YBEY: variants seen among roughly 807,000 people sequenced by gnomAD.
YBEY encodes the protein ybeY metalloendoribonuclease.
In YBEY, 15 loss-of-function variants were observed where a neutral mutation model predicts 13.5. The observed-to-expected ratio is 1.11, with a 90% confidence interval of 0.75 to 1.72. The LOEUF is 1.72. Among genes scored for constraint, YBEY ranks in the 40% most tolerant of loss-of-function variants. The pLI, the probability that YBEY is intolerant of heterozygous loss-of-function variation, is 0.00. For missense variants in YBEY, 244 were observed against 208.4 expected (o/e 1.17, Z -1.05); for synonymous variants, 101 against 83.1 (o/e 1.21, Z -1.17).
At chr21:46,301,855 G>A (rs2082118490), downstream of YBEY, 1 of 1,272,624 alleles carries the variant, frequency 7.9e-7, no homozygotes, top group African/African-American at 1.5e-5. Context: ...TTCCCCAGGA[G>A]GAGCCTGCAG....
At chr21:46,301,747 T>C (rs3747006), downstream of YBEY, 1,025,054 of 1,216,378 alleles carry the variant, frequency 0.84, 436,160 homozygotes, top group African/African-American at 0.92. Context: ...GGAGGGGCTG[T>C]TGCCCTGGTG....
chr21:46,300,627 G>T, downstream of YBEY: 3 of 1,218,832 alleles, frequency 2.5e-6, no homozygotes, highest in Non-Finnish European at 2.1e-6. Context: ...GCCCTTCGGT[G>T]TTCACACCTG....
At chr21:46,311,727 C>A in the YBEY span, 13 of 459,864 alleles carry the variant, frequency 2.8e-5, no homozygotes, top group Non-Finnish European at 4.4e-5. Context: ...ATCCACCCAT[C>A]CATCCAACCA....
chr21:46,286,823 G>A lies in YBEY; in HGVS notation c.-44-47G>A, dbSNP rs17182497. On this transcript the variant is annotated intron_variant, in intron 1 of 4. Coordinates refer to ENST00000397701, the MANE Select transcript of YBEY (RefSeq NM_001314025.2). ...GCGTGCATCTGTATTTTTACAGACC[G>A]TATTATCACTTGTACTGATTGGTCT... The A allele has an allele frequency of 5.1e-5, 58 of 1,146,264 alleles. No individual in the cohort carries two copies. In the African/African-American group the frequency reaches 8.4e-4, roughly 17 times the overall value. The allele number at this position is 1,146,264 out of a possible 1,614,324, so 71.0% of individuals were successfully genotyped here. A position where few individuals can be genotyped will look rare whatever the true frequency, so the allele number is the denominator to read the frequency against.
the YBEY span, among the ~76,000 whole-genome samples, chr21:46,308,714 G>A: frequency 1.4e-4 from 21 of 152,138 alleles, no homozygotes; most frequent in Non-Finnish European, 3.1e-4. Flanking sequence ...TGGCAGTATT[G>A]AGAGGTGGGG....
At chr21:46,296,066 C>A in intron 3 of YBEY, 96 bp from the exon 4 acceptor site, 1 of 1,366,740 alleles carries the variant, frequency 7.3e-7, no homozygotes, top group Non-Finnish European at 1.0e-6. Flanking sequence ...GGTCCTGCAG[C>A]CACATACCAA....
intron 3 of YBEY, among the ~76,000 whole-genome samples, chr21:46,292,354 A>G (rs960915257): frequency 6.6e-6 from 1 of 152,216 alleles, no homozygotes; most frequent in Non-Finnish European, 1.5e-5. Flanking sequence ...GGACACCTAC[A>G]TCTGAGCAGA....
At chr21:46,311,690 T>TCCAA in the YBEY span, 169 of 475,628 alleles carry the variant, frequency 3.6e-4, no homozygotes, top group African/African-American at 1.0e-3. Flanking sequence ...CACCCATCCA[T>TCCAA]CCAACCAACC....
At chr21:46,302,338 C>A, downstream of YBEY, 3 of 1,137,442 alleles carry the variant, frequency 2.6e-6, no homozygotes, top group Non-Finnish European at 3.7e-6. Flanking sequence ...TGGGCTGGGA[C>A]TCGATGGGGA....
At chr21:46,299,021 C>T (rs957000404), downstream of YBEY, among the ~76,000 whole-genome samples, 9 of 151,298 alleles carry the variant, frequency 5.9e-5, no homozygotes, top group Admixed American at 1.3e-4. Flanking sequence ...ACACCGTGTC[C>T]GGCCCAATCC....
At chr21:46,299,985 C>T (rs2082066201), downstream of YBEY, among the ~76,000 whole-genome samples, 1 of 152,182 alleles carries the variant, frequency 6.6e-6, no homozygotes, top group South Asian at 2.1e-4. Flanking sequence ...TCCTGCAGGC[C>T]AGTCAAGGCT....
intron 3 of YBEY, among the ~76,000 whole-genome samples, chr21:46,295,755 C>T (rs1037553197): frequency 1.8e-4 from 28 of 152,116 alleles, no homozygotes; most frequent in African/African-American, 6.3e-4. Context: ...GGGGTGTGGG[C>T]TGTGCGCTTG....
At chr21:46,303,733 ATATATATATATATTTTTTTTT>A in the YBEY span, among the ~76,000 whole-genome samples, 19 of 32,228 alleles carry the variant, frequency 5.9e-4, no homozygotes, top group South Asian at 1.0e-3. Context: ...ATATATATAT[ATATATATATATATTTTTTTTT>A]TTTTTTTTTT....
downstream of YBEY, chr21:46,302,667 G>T (rs1174838608): frequency 6.1e-6 from 6 of 977,224 alleles, no homozygotes; most frequent in East Asian, 1.6e-4. Flanking sequence ...GAGAACAGGT[G>T]TGTCTGTACA....
chr21:46,287,882 G>A (rs950049155), intron 2 of YBEY, among the ~76,000 whole-genome samples: 3 of 151,898 alleles, frequency 2.0e-5, no homozygotes, highest in African/African-American at 4.8e-5. Context: ...GGTGGAGGGG[G>A]GCACCTATAA....
At chr21:46,300,751 A>G (rs2082080790), downstream of YBEY, 16 of 1,289,220 alleles carry the variant, frequency 1.2e-5, no homozygotes, top group African/African-American at 1.5e-4. Context: ...GCACTGGGAC[A>G]GGGTTCCTCC....
chr21:46,298,869 T>C (rs1460719368), downstream of YBEY, among the ~76,000 whole-genome samples: 5 of 152,012 alleles, frequency 3.3e-5, no homozygotes, highest in Admixed American at 2.0e-4. Flanking sequence ...GGACTACAAG[T>C]GCGCACCACT....
chr21:46,302,042 A>C (rs1175333601), downstream of YBEY: 8 of 1,523,748 alleles, frequency 5.3e-6, no homozygotes, highest in Non-Finnish European at 7.0e-6. Flanking sequence ...GGGCTGGAGG[A>C]CAGTGGCAGC....
intron 2 of YBEY, among the ~76,000 whole-genome samples, chr21:46,289,393 T>C (rs1246058194): frequency 6.6e-6 from 1 of 151,838 alleles, no homozygotes; most frequent in Non-Finnish European, 1.5e-5. Flanking sequence ...CATGCCATAG[T>C]AGACTGTGTG....
Sources: gnomAD v4.1 joint callset for allele counts (sites outside exome capture counted in the v4.1 genomes callset) on GRCh38, gnomAD v4.1.1 for gene constraint, MANE v1.5 for transcripts, NCBI Gene and HGNC (gene_info 2026-07-23, HGNC 2026-07-21) for gene names.